The following ANO6 variants were observed in gnomAD, a reference collection of about 807,000 sequenced individuals.
The protein encoded by ANO6 is anoctamin 6.
A neutral mutation model predicts 117.5 loss-of-function variants in ANO6; 106 were observed. That is an observed-to-expected ratio of 0.90 (90% CI 0.77 to 1.06). The LOEUF (loss-of-function observed/expected upper bound fraction) is 1.06, where lower values mean the gene tolerates loss of function less well. Ranked by LOEUF, ANO6 falls within the 50% of genes least tolerant of loss-of-function variation. ANO6 has a pLI of 0.00. For synonymous variants in ANO6, 367 were observed against 385.1 expected (o/e 0.95, Z 0.55); for missense variants, 955 against 1,121.1 (o/e 0.85, Z 2.12).
intron 1 of ANO6, among the ~76,000 whole-genome samples, chr12:45,286,539 G>A (rs1189174004): frequency 6.6e-6 from 1 of 152,172 alleles, no homozygotes; most frequent in Non-Finnish European, 1.5e-5. Flanking sequence ...CCCACTTTCA[G>A]TATTAGACCA....
chr12:45,246,096 G>A (rs1031952063), intron 1 of ANO6, among the ~76,000 whole-genome samples: 2 of 152,174 alleles, frequency 1.3e-5, no homozygotes, highest in African/African-American at 4.8e-5. Context: ...TGCCAAGTCT[G>A]CCTGAGTGTA....
At chr12:45,238,661 G>A (rs1362264805) in intron 1 of ANO6, among the ~76,000 whole-genome samples, 2 of 152,172 alleles carry the variant, frequency 1.3e-5, no homozygotes, top group East Asian at 1.9e-4. Context: ...CATTCAGTAT[G>A]ATATTGGCTG....
At chr12:45,243,634 C>T (rs1315400357) in intron 1 of ANO6, among the ~76,000 whole-genome samples, 2 of 151,450 alleles carry the variant, frequency 1.3e-5, no homozygotes, top group Admixed American at 1.3e-4. Flanking sequence ...ACTGCAACCT[C>T]CGCCTCCTGG....
intron 2 of ANO6, among the ~76,000 whole-genome samples, chr12:45,314,143 G>T (rs1305950667): frequency 6.6e-6 from 1 of 152,018 alleles, no homozygotes. Flanking sequence ...GAGGAGTTCA[G>T]TTAGGGTTGT....
intron 7 of ANO6, among the ~76,000 whole-genome samples, chr12:45,355,151 T>C (rs935517918): frequency 2.0e-5 from 3 of 152,216 alleles, no homozygotes; most frequent in Admixed American, 6.5e-5. Context: ...AATGACTGTA[T>C]ACTTGTAACT....
intron 2 of ANO6, among the ~76,000 whole-genome samples, chr12:45,304,048 T>C (rs1939585434): frequency 6.6e-6 from 1 of 152,228 alleles, no homozygotes; most frequent in African/African-American, 2.4e-5. Context: ...TGGGATTTTC[T>C]TGTGCTTCGT....
At chr12:45,408,137 T>C (rs1942990510) in intron 15 of ANO6, among the ~76,000 whole-genome samples, 1 of 152,190 alleles carries the variant, frequency 6.6e-6, no homozygotes. Flanking sequence ...CGTGTGCACA[T>C]GTGATGGAGA....
intron 1 of ANO6, among the ~76,000 whole-genome samples, chr12:45,229,390 G>GTTTT (rs11422062): frequency 7.1e-5 from 9 of 127,334 alleles, no homozygotes; most frequent in Admixed American, 1.7e-4. Context: ...TTTATTTTTA[G>GTTTT]TTTTTTTTTT....
At chr12:45,377,991 T>C (rs1942073754) in intron 9 of ANO6, 62 bp from the exon 10 acceptor site, 14 of 1,469,756 alleles carry the variant, frequency 9.5e-6, no homozygotes, top group African/African-American at 1.4e-5. Context: ...AAGCATTTCA[T>C]ATTTACTGAA....
At chr12:45,285,733 A>AG (rs1041164273) in intron 1 of ANO6, among the ~76,000 whole-genome samples, 88 of 152,088 alleles carry the variant, frequency 5.8e-4, no homozygotes, top group African/African-American at 1.8e-3. Context: ...GTCTCAAAAA[A>AG]AAAAAAAAGA....
intron 1 of ANO6, among the ~76,000 whole-genome samples, chr12:45,262,821 A>C (rs946340906): frequency 3.3e-5 from 5 of 152,216 alleles, no homozygotes; most frequent in African/African-American, 1.2e-4. Context: ...AAATTTACTT[A>C]AAGGTGTTTT....
chr12:45,293,934 A>G (rs914341178), intron 1 of ANO6, among the ~76,000 whole-genome samples: 2 of 151,938 alleles, frequency 1.3e-5, no homozygotes, highest in Non-Finnish European at 2.9e-5. Flanking sequence ...GGCTCCACCT[A>G]TAATAATGTG....
chr12:45,255,449 A>T (rs1192985155), intron 1 of ANO6, among the ~76,000 whole-genome samples: 1 of 152,122 alleles, frequency 6.6e-6, no homozygotes, highest in East Asian at 1.9e-4. Flanking sequence ...GTGGCAGCTG[A>T]GATTGTGCCA....
rs376655677 is a variant in ANO6 at position 45,265,735 on chromosome 12, T to TCTATA, written c.71-36276_71-36272dup. Among the ~76,000 whole-genome samples, 574 of 152,308 alleles carry TCTATA rather than the reference T, an allele frequency of 3.8e-3. 2 individuals are homozygous for TCTATA. Among genetic ancestry groups the TCTATA allele is most frequent in the African/African-American group, 0.013 (549 of 41,562 alleles). ...CTCCTTCAGAAACACCTTCGTAGAC[T>TCTATA]CTATACTGTGTAGGGATAAAGCGCA... On this transcript the variant is annotated intron_variant, in intron 1 of 19. Transcript: ENST00000320560.
Position 45,421,207 on chromosome 12 carries a change from T to C in ANO6, c.2354T>C (p.Val785Ala), listed in dbSNP as rs772103881. 41 of 1,614,008 alleles carry C rather than the reference T, an allele frequency of 2.5e-5. No individual in the cohort carries two copies. In the Admixed American group the frequency reaches 6.8e-4, roughly 27 times the overall value. Residue 785 changes from valine (V) to alanine (A), a missense_variant, in exon 18 of 20, where the codon GTC (valine) becomes GCC (alanine). Transcript: ENST00000320560. ...YINNTLSIFK[V>A]ADFKNKSKGN... ...AACAACACTCTCTCCATCTTCAAAG[T>C]CGCAGACTTCAAAAACAAAAGCAAG...
In ANO6 at chr12:45,240,624, T is replaced by G. The variant is rs147456500; in HGVS notation, c.70+24233T>G. Among the ~76,000 whole-genome samples, 862 of 152,218 alleles carry G rather than the reference T, an allele frequency of 5.7e-3. 6 individuals are homozygous for G. The highest frequency in any genetic ancestry group is 0.02 in the African/African-American group (820 of 41,516). On this transcript the variant is annotated intron_variant, in intron 1 of 19. Transcript: ENST00000320560. ...TTCGCTGGTTATTTTGACCGTTAAT[T>G]GAGGCACTTTCTTCATAGCATTGAT...
chr12:45,418,547 A>G (rs2137690504), intron 17 of ANO6, among the ~76,000 whole-genome samples: 1 of 152,340 alleles, frequency 6.6e-6, no homozygotes, highest in Non-Finnish European at 1.5e-5. Context: ...ATTTTCAGCA[A>G]CAAAGTTTGA....
At chr12:45,384,346 T>C (rs781499681) in intron 10 of ANO6, among the ~76,000 whole-genome samples, 54 of 152,256 alleles carry the variant, frequency 3.5e-4, no homozygotes, top group Non-Finnish European at 1.0e-4. Flanking sequence ...GTGTGTTCAC[T>C]GGAGTAGTAC....
intron 1 of ANO6, chr12:45,292,860 G>A: frequency 6.5e-7 from 1 of 1,548,408 alleles, no homozygotes; most frequent in Middle Eastern, 1.7e-4. Context: ...AGAGGTAGGA[G>A]GGTAAGAAGC....
Sources: allele counts gnomAD v4.1 joint callset (sites outside exome capture counted in the v4.1 genomes callset), GRCh38; gene constraint gnomAD v4.1.1; transcripts MANE v1.5; gene names NCBI Gene and HGNC (gene_info 2026-07-23, HGNC 2026-07-21).